The following NUP37 variants were observed in gnomAD, a reference collection of about 807,000 sequenced individuals.
NUP37 encodes nucleoporin Nup37.
A neutral mutation model predicts 45.4 loss-of-function variants in NUP37; 33 were observed. That is an observed-to-expected ratio of 0.73 (90% CI 0.55 to 0.97). The LOEUF (loss-of-function observed/expected upper bound fraction) is 0.97, where lower values mean the gene tolerates loss of function less well. Among genes scored for constraint, NUP37 ranks in the 50% least tolerant of loss-of-function variants. The pLI, the probability that NUP37 is intolerant of heterozygous loss-of-function variation, is 0.00. For missense variants in NUP37, 365 were observed against 389.7 expected (o/e 0.94, Z 0.53); for synonymous variants, 127 against 130.7 (o/e 0.97, Z 0.19).
intron 2 of NUP37, among the ~76,000 whole-genome samples, chr12:102,117,885 T>C (rs1282680630): frequency 2.6e-5 from 4 of 152,180 alleles, no homozygotes; most frequent in African/African-American, 7.2e-5. Flanking sequence ...TCAATTAATA[T>C]GACTCCATAT....
rs148171042 is a variant in NUP37 at position 102,112,380 on chromosome 12, T to C, written c.157-148A>G. 2.6e-5 allele frequency: 15 copies of C among 569,732 alleles called. No individual in the cohort carries two copies. The East Asian group carries it at 4.0e-4, about 15-fold the overall frequency. The allele number at this position is 569,732 out of a possible 1,614,324, so 35.3% of individuals were successfully genotyped here. On this transcript the variant is annotated intron_variant, in intron 2 of 9. Transcript: ENST00000552283. Reference sequence around the variant, plus strand: ...TACATATTAAGATTTAACTAGTTCATTGAATTAAAAAAAAATCCAAAGTTG... The same window carrying C: ...TACATATTAAGATTTAACTAGTTCACTGAATTAAAAAAAAATCCAAAGTTG...
chr12:102,073,260 C>G lies in NUP37; in HGVS notation c.*1094G>C, dbSNP rs1253172282. On this transcript the variant is annotated 3_prime_UTR_variant, in exon 10 of 10. Transcript: ENST00000552283. ...TTGGATTCTGTATGTGACTGACAAGCAGAACCATAATTTTATATGCTTCTG... is the reference window on the plus strand; with the variant it reads ...TTGGATTCTGTATGTGACTGACAAGGAGAACCATAATTTTATATGCTTCTG... 1 of 152,148 alleles carries G rather than the reference C, an allele frequency of 6.6e-6. No individual in the cohort carries two copies. The highest frequency in any genetic ancestry group is 1.5e-5 in the Non-Finnish European group (1 of 68,036). The allele number at this position is 152,148 out of a possible 1,614,324, so 9.4% of individuals were successfully genotyped here. A position where few individuals can be genotyped will look rare whatever the true frequency, so the allele number is the denominator to read the frequency against.
rs1440660530 is a variant in NUP37, at chr12:102,073,941, T to G, written c.*413A>C. 1.3e-5 allele frequency: 2 copies of G among 153,184 alleles called. No individual in the cohort carries two copies. Among genetic ancestry groups the G allele is most frequent in the African/African-American group, 4.8e-5 (2 of 41,454 alleles). The allele number at this position is 153,184 out of a possible 1,614,324, so 9.5% of individuals were successfully genotyped here. ...CCTTCAGCCTCCCAAAGTGTTGGGATTACAAGTGTGAGCCATTGTACCTGG... is the reference window on the plus strand; with the variant it reads ...CCTTCAGCCTCCCAAAGTGTTGGGAGTACAAGTGTGAGCCATTGTACCTGG... On this transcript the variant is annotated 3_prime_UTR_variant, in exon 10 of 10. Coordinates refer to ENST00000552283, the MANE Select transcript of NUP37 (RefSeq NM_024057.4).
At chr12:102,112,567 T>C (rs1880347277) in intron 2 of NUP37, among the ~76,000 whole-genome samples, 1 of 152,018 alleles carries the variant, frequency 6.6e-6, no homozygotes. Context: ...GGGGCTGAGG[T>C]GGAAGGATTG....
At chr12:102,106,717 A>G (rs963306059) in intron 3 of NUP37, among the ~76,000 whole-genome samples, 2 of 152,200 alleles carry the variant, frequency 1.3e-5, no homozygotes, top group Admixed American at 6.5e-5. Context: ...AAGCAAAAAA[A>G]ACCAAGGAAA....
intron 3 of NUP37, among the ~76,000 whole-genome samples, chr12:102,109,590 C>A (rs1880255228): frequency 6.6e-6 from 1 of 152,018 alleles, no homozygotes; most frequent in African/African-American, 2.4e-5. Flanking sequence ...CAAGATTGTG[C>A]CTTCAGGTTG....
intron 6 of NUP37, among the ~76,000 whole-genome samples, 169 bp downstream of exon 6, chr12:102,085,597 A>G (rs1879445744): frequency 6.6e-6 from 1 of 152,210 alleles, no homozygotes; most frequent in African/African-American, 2.4e-5. Flanking sequence ...CTTAACAATT[A>G]TAGAGAAACT....
chr12:102,119,832 C>A (rs768140901), intron 1 of NUP37, among the ~76,000 whole-genome samples: 1 of 152,098 alleles, frequency 6.6e-6, no homozygotes, highest in Non-Finnish European at 1.5e-5. Context: ...AGGACTTGCC[C>A]CTGTAAAACT....
chr12:102,100,290 T>C (rs190087915), intron 4 of NUP37, among the ~76,000 whole-genome samples: 360 of 152,362 alleles, frequency 2.4e-3, no homozygotes, highest in Middle Eastern at 0.02. Context: ...GAAAGGTTTG[T>C]AATTTATCTT....
At chr12:102,080,413 C>T (rs549894147) in intron 6 of NUP37, among the ~76,000 whole-genome samples, 1 of 151,990 alleles carries the variant, frequency 6.6e-6, no homozygotes, top group Non-Finnish European at 1.5e-5. Flanking sequence ...AGAGTGAGAC[C>T]CTGCCTCAAA....
In NUP37 at chr12:102,073,946, A is replaced by C. The variant is rs1038721961; in HGVS notation, c.*408T>G. On this transcript the variant is annotated 3_prime_UTR_variant, in exon 10 of 10. Transcript: ENST00000552283. Reference sequence around the variant, plus strand: ...AGCCTCCCAAAGTGTTGGGATTACAAGTGTGAGCCATTGTACCTGGCCTTT... The same window carrying C: ...AGCCTCCCAAAGTGTTGGGATTACACGTGTGAGCCATTGTACCTGGCCTTT... 3 of 153,096 alleles carry C rather than the reference A, an allele frequency of 2.0e-5. No homozygotes were observed. Among genetic ancestry groups the C allele is most frequent in the Admixed American group, 6.6e-5 (1 of 15,264 alleles). 9.5% of individuals were successfully genotyped at this position (153,096 alleles called of 1,614,324 possible).
intron 3 of NUP37, among the ~76,000 whole-genome samples, chr12:102,104,957 T>G (rs1880086999): frequency 6.6e-6 from 1 of 152,218 alleles, no homozygotes; most frequent in South Asian, 2.1e-4. Flanking sequence ...TTAGGATGGC[T>G]TTTCTGTTTC....
At chr12:102,105,583 G>A (rs1245159927) in intron 3 of NUP37, among the ~76,000 whole-genome samples, 2 of 151,598 alleles carry the variant, frequency 1.3e-5, no homozygotes, top group African/African-American at 2.4e-5. Context: ...GTGCCCTCAC[G>A]CCAGGCACAG....
chr12:102,077,689 C>G (rs569909777), intron 6 of NUP37, among the ~76,000 whole-genome samples, 186 bp from the exon 7 acceptor site: 1 of 152,110 alleles, frequency 6.6e-6, no homozygotes, highest in African/African-American at 2.4e-5. Flanking sequence ...CATGATACCA[C>G]AAGTGAAAAA....
At chr12:102,075,578 T>C (rs1879144280) in intron 8 of NUP37, among the ~76,000 whole-genome samples, 1 of 152,194 alleles carries the variant, frequency 6.6e-6, no homozygotes, top group African/African-American at 2.4e-5. Context: ...AGGAAAATAT[T>C]CCATAAATAT....
At chr12:102,111,497 T>C (rs1459638036) in intron 3 of NUP37, among the ~76,000 whole-genome samples, 1 of 152,262 alleles carries the variant, frequency 6.6e-6, no homozygotes, top group Admixed American at 6.5e-5. Flanking sequence ...AGTTCCTAAG[T>C]ACTGTCTACT....
intron 5 of NUP37, among the ~76,000 whole-genome samples, chr12:102,091,260 G>A (rs913678184): frequency 1.3e-5 from 2 of 151,800 alleles, no homozygotes; most frequent in African/African-American, 4.8e-5. Flanking sequence ...AGCTGGGCAT[G>A]GTGGTTAGGC....
Position 102,099,213 on chromosome 12 carries a change from G to A in NUP37, c.355-13C>T. Reference sequence around the variant, plus strand: ...GGCCCTCTAAAACCTGACAGAAAGAGAAACAGAAAGCTTAGCAAGAAAACA... The same window carrying A: ...GGCCCTCTAAAACCTGACAGAAAGAAAAACAGAAAGCTTAGCAAGAAAACA... On this transcript the variant is annotated splice_polypyrimidine_tract_variant and intron_variant, in intron 4 of 9. Coordinates refer to ENST00000552283, the MANE Select transcript of NUP37 (RefSeq NM_024057.4). The A allele has an allele frequency of 3.8e-6, 6 of 1,564,344 alleles. No individual in the cohort carries two copies. The highest frequency in any genetic ancestry group is 1.7e-5 in the Admixed American group (1 of 59,670).
intron 1 of NUP37, among the ~76,000 whole-genome samples, 189 bp downstream of exon 1, chr12:102,119,861 G>A (rs1303728568): frequency 2.6e-5 from 4 of 152,168 alleles, no homozygotes; most frequent in Non-Finnish European, 5.9e-5. Context: ...AGAGAAGAAG[G>A]GAGGGAACAA....
Sources: gnomAD v4.1 joint callset for allele counts (sites outside exome capture counted in the v4.1 genomes callset) on GRCh38, gnomAD v4.1.1 for gene constraint, MANE v1.5 for transcripts, NCBI Gene and HGNC (gene_info 2026-07-23, HGNC 2026-07-21) for gene names.